The following ARID3C variants were observed in gnomAD, a reference collection of about 807,000 sequenced individuals.
ARID3C encodes the protein AT-rich interaction domain 3C.
ARID3C carries 42 observed loss-of-function variants against 37.9 expected under a neutral mutation model. The observed-to-expected ratio is 1.11, with a 90% CI of 0.87 to 1.43. The LOEUF is 1.43. Among genes scored for constraint, ARID3C ranks in the 40% most tolerant of loss-of-function variants. The probability of loss-of-function intolerance (pLI) is 0.00; values close to 1 mark genes in which losing one functional copy is unlikely to be tolerated. For missense variants in ARID3C, 581 were observed against 548.8 expected (o/e 1.06, Z -0.59); for synonymous variants, 213 against 228.0 (o/e 0.93, Z 0.59).
intron 6 of ARID3C, 121 bp downstream of exon 7, chr9:34,621,899 T>A: frequency 9.9e-7 from 1 of 1,012,624 alleles, no homozygotes; most frequent in Non-Finnish European, 1.5e-6. Context: ...CTGAACTCCA[T>A]GTTACTCATG....
At chr9:34,621,540 C>T (rs201672788) in exon 7 of ARID3C, 421 of 1,568,292 alleles carry the variant, frequency 2.7e-4, no homozygotes, top group Admixed American at 5.7e-4. Flanking sequence ...CACAGGCTGG[C>T]GGCGGGCAAA....
chr9:34,629,419 G>T (rs1820702798), upstream of ARID3C, among the ~76,000 whole-genome samples: 1 of 152,242 alleles, frequency 6.6e-6, no homozygotes, highest in Non-Finnish European at 1.5e-5. Context: ...CCGTGACATG[G>T]TCACCACAGT....
chr9:34,630,789 C>T (rs1285079912), upstream of ARID3C, among the ~76,000 whole-genome samples: 6 of 152,162 alleles, frequency 3.9e-5, no homozygotes, highest in African/African-American at 1.4e-4. Context: ...TGAGGCTCAC[C>T]CCATTCATTC....
exon 4 of ARID3C, chr9:34,623,528 G>A (rs1820607081): frequency 1.3e-6 from 2 of 1,566,460 alleles, no homozygotes; most frequent in Admixed American, 2.0e-5. Context: ...CCGGAGGGGC[G>A]GGGCCGGGAC....
At chr9:34,630,329 C>A (rs116764009), upstream of ARID3C, among the ~76,000 whole-genome samples, 2 of 152,100 alleles carry the variant, frequency 1.3e-5, no homozygotes, top group Admixed American at 6.5e-5. Flanking sequence ...CTGCTCTGAA[C>A]AGCCTGGACC....
chr9:34,631,829 T>C (rs967686548), upstream of ARID3C, among the ~76,000 whole-genome samples: 1 of 152,264 alleles, frequency 6.6e-6, no homozygotes, highest in Non-Finnish European at 1.5e-5. Context: ...TGCAGTCATC[T>C]GAAGGCTTGA....
At chr9:34,628,162 A>C (rs1820685450), upstream of ARID3C, 9 of 1,147,286 alleles carry the variant, frequency 7.8e-6, no homozygotes, top group South Asian at 1.6e-4. The surrounding 1 kb of genome is among the most constrained non-coding windows in gnomAD (Gnocchi z 5.2). Context: ...GTGGTCATGG[A>C]TTCAGGGAAG....
rs762153272 is a variant in ARID3C, at chr9:34,622,020, CAG to C, written c.1136_1137del (p.Thr379ArgfsTer39). On this transcript the variant is annotated frameshift_variant and splice_region_variant, in exon 6 of 7. Coordinates refer to ENST00000378909, the Ensembl canonical transcript of ARID3C. LOFTEE classifies it high-confidence loss of function. ...TGTAGACAGCCTGCAGTACCCATACCAGTGTAGACCACCCCGTTGATCTCTAG... is the reference window on the plus strand; with the variant it reads ...TGTAGACAGCCTGCAGTACCCATACCTGTAGACCACCCCGTTGATCTCTAG... 6.2e-7 allele frequency: 1 copy of C among 1,614,040 alleles called. No homozygotes were observed. The highest frequency in any genetic ancestry group is 8.5e-7 in the Non-Finnish European group (1 of 1,179,930).
chr9:34,631,470 G>C (rs2132317969), upstream of ARID3C, among the ~76,000 whole-genome samples: 1 of 152,312 alleles, frequency 6.6e-6, no homozygotes, highest in South Asian at 2.1e-4. Flanking sequence ...GACAGACCTA[G>C]ACCTTCAGAG....
upstream of ARID3C, chr9:34,628,157 C>T: frequency 8.4e-7 from 1 of 1,187,938 alleles, no homozygotes. This position sits in a 1 kb window ranked among gnomAD's most constrained non-coding sequence, Gnocchi z 5.2. Flanking sequence ...GGGAGGTGGT[C>T]ATGGATTCAG....
rs774821428 is a variant in ARID3C, at chr9:34,625,815, C to G, written c.319-1G>C. 45 of 1,613,788 alleles carry G rather than the reference C, an allele frequency of 2.8e-5. No individual in the cohort carries two copies. The highest frequency in any genetic ancestry group is 3.8e-5 in the Non-Finnish European group (45 of 1,179,834). ...TGGGGTCTGCATCGAGCTCATACAG[C>G]TGGGGAAGGATTGGGGTCATTCTAC... On this transcript the variant is annotated splice_acceptor_variant, in intron 1 of 6. Transcript: ENST00000378909. LOFTEE classifies it high-confidence loss of function.
chr9:34,624,748 G>A (rs1042600073), intron 2 of ARID3C, among the ~76,000 whole-genome samples: 6 of 152,216 alleles, frequency 3.9e-5, no homozygotes, highest in Non-Finnish European at 7.3e-5. Context: ...CTTTGGACCC[G>A]AACAATTAGC....
chr9:34,627,699 G>C, exon 1 of ARID3C: 1 of 1,608,426 alleles, frequency 6.2e-7, no homozygotes, highest in Non-Finnish European at 8.5e-7. Context: ...GGTCCTACCT[G>C]CTTGAATTGT....
chr9:34,621,309 G>T, downstream of ARID3C: 7 of 543,202 alleles, frequency 1.3e-5, no homozygotes, highest in Non-Finnish European at 2.2e-5. Context: ...AACATCAAAA[G>T]AAACTTTGGT....
At chr9:34,630,864 C>G (rs991632751), upstream of ARID3C, among the ~76,000 whole-genome samples, 6 of 152,184 alleles carry the variant, frequency 3.9e-5, no homozygotes, top group African/African-American at 1.4e-4. Flanking sequence ...AACCCCCCAG[C>G]CTCCAGAAGC....
chr9:34,623,673 G>T, exon 4 of ARID3C: 2 of 1,580,352 alleles, frequency 1.3e-6, no homozygotes, highest in South Asian at 1.1e-5. Context: ...GGAGCTGAGC[G>T]CTCGAGTCTC....
At chr9:34,621,913 G>A in intron 6 of ARID3C, 107 bp downstream of exon 7, 3 of 1,156,102 alleles carry the variant, frequency 2.6e-6, no homozygotes, top group South Asian at 2.6e-5. Flanking sequence ...ACTCATGCAA[G>A]TTTAGATATC....
Position 34,622,123 on chromosome 9 carries a change from G to T in ARID3C, c.1049-14C>A. On this transcript the variant is annotated splice_polypyrimidine_tract_variant and intron_variant, in intron 5 of 6. Coordinates refer to ENST00000378909, the Ensembl canonical transcript of ARID3C. The stretch of plus-strand genomic sequence containing the variant: ...CCAGCCGCTCTTCTGTCCAGGAGGG[G>T]GCAGAGGAATCACATTTTGGAGAAT... The T allele has an allele frequency of 6.2e-7, 1 of 1,613,592 alleles. No homozygotes were observed.
At chr9:34,629,895 T>A (rs561421338), upstream of ARID3C, among the ~76,000 whole-genome samples, 1 of 152,136 alleles carries the variant, frequency 6.6e-6, no homozygotes, top group African/African-American at 2.4e-5. Flanking sequence ...TGGAATTAGC[T>A]GGGATTACAG....
Sources: allele counts gnomAD v4.1 joint callset (sites outside exome capture counted in the v4.1 genomes callset), GRCh38; gene constraint gnomAD v4.1.1; non-coding constraint Gnocchi (gnomAD v3.1); transcripts MANE v1.5; gene names NCBI Gene and HGNC (gene_info 2026-07-23, HGNC 2026-07-21).